The following LRRC71 variants were observed in gnomAD, a reference collection of about 807,000 sequenced individuals.
LRRC71 encodes the protein leucine-rich repeat-containing protein 71.
In LRRC71, 54 loss-of-function variants were observed where a neutral mutation model predicts 66.6. That is an observed-to-expected ratio of 0.81 (90% confidence interval 0.65 to 1.02). LRRC71 has a LOEUF of 1.02. Among genes scored for constraint, LRRC71 ranks in the 50% least tolerant of loss-of-function variants. The pLI, the probability that LRRC71 is intolerant of heterozygous loss-of-function variation, is 0.00. For missense variants in LRRC71, 724 were observed against 718.0 expected (o/e 1.01, Z -0.10); for synonymous variants, 323 against 303.9 (o/e 1.06, Z -0.65).
rs1652259277 is a variant in LRRC71 at position 156,920,933 on chromosome 1, C to T, written c.130C>T (p.Pro44Ser). Residue 44 changes from proline to serine, a missense_variant, in exon 1 of 15, where the codon CCC becomes TCC. Coordinates refer to ENST00000337428, the MANE Select transcript of LRRC71 (RefSeq NM_144702.3). This position sits in a 1 kb window ranked among gnomAD's most constrained non-coding sequence, Gnocchi z 4.9. Reference protein sequence around the residue: ...AKEKPATVLPPVGEEEPKSPE... With the variant: ...AKEKPATVLPSVGEEEPKSPE... The stretch of plus-strand genomic sequence containing the variant: ...AGAGAAGCCAGCGACCGTTCTGCCT[C>T]CCGTGGGGGAGGAGGAGCCCAAAAG... The T allele has an allele frequency of 6.5e-7, 1 of 1,537,968 alleles. No individual in the cohort carries two copies. Among genetic ancestry groups the T allele is most frequent in the African/African-American group, 1.4e-5 (1 of 72,506 alleles).
intron 5 of LRRC71, 72 bp from the exon 6 acceptor site, chr1:156,927,130 C>G: frequency 4.4e-6 from 6 of 1,355,174 alleles, no homozygotes; most frequent in Non-Finnish European, 6.2e-6. Flanking sequence ...GAGACGCACA[C>G]TTCCTCTCTG....
the LRRC71 span, chr1:156,939,745 C>G: frequency 2.5e-6 from 4 of 1,613,954 alleles, no homozygotes; most frequent in Non-Finnish European, 2.5e-6. Flanking sequence ...GTCCCCTTCA[C>G]CCCCAGGGGG....
chr1:156,930,068 C>CTTTCTT (rs1553189718), intron 11 of LRRC71, among the ~76,000 whole-genome samples: 2 of 119,674 alleles, frequency 1.7e-5, no homozygotes, highest in East Asian at 6.0e-4. Context: ...CTTTTTCTTT[C>CTTTCTT]TTTCTTTCTT....
At chr1:156,921,714 C>A (rs193227973) in intron 1 of LRRC71, 2,621 of 43,798 alleles carry the variant, frequency 0.06, 81 homozygotes, top group African/African-American at 0.18. Context: ...ACATTCAAAA[C>A]ACACACACAC....
intron 12 of LRRC71, 79 bp downstream of exon 12, chr1:156,930,696 C>T: frequency 7.5e-7 from 1 of 1,341,472 alleles, no homozygotes; most frequent in South Asian, 1.3e-5. Flanking sequence ...ACCCCAGCCC[C>T]TCCTGGAATG....
intron 5 of LRRC71, among the ~76,000 whole-genome samples, chr1:156,926,076 A>G (rs1329237770): frequency 2.6e-5 from 4 of 152,250 alleles, no homozygotes. Flanking sequence ...ATTTCTAGCC[A>G]TTAGTTCAGT....
chr1:156,924,097 A>G lies in LRRC71; in HGVS notation c.309A>G (p.Leu103=). Residue 103 remains leucine (L), a splice_region_variant and synonymous_variant, in exon 2 of 15, where the codon TTA becomes TTG. Transcript: ENST00000337428. ...CCTCTTTGTCGGAAAAGGCCACCTT[A>G]GGTGAGTGACAGTGGAGCTCCCCGG... The part of the protein sequence containing the change: ...PSASLSEKAT[L]DDPRLSGSCS... The G allele has an allele frequency of 2.6e-6, 4 of 1,547,422 alleles. No individual in the cohort carries two copies. Among genetic ancestry groups the G allele is most frequent in the Non-Finnish European group, 3.5e-6 (4 of 1,145,760 alleles).
downstream of LRRC71, chr1:156,936,218 T>C (rs778026777): frequency 1.3e-5 from 11 of 816,578 alleles, no homozygotes; most frequent in Admixed American, 5.1e-5. Flanking sequence ...GGCTGTCTAC[T>C]GAACTCCACT....
In LRRC71 at chr1:156,920,940, GGGA is replaced by G. The variant is rs1280453700; in HGVS notation, c.145_147del (p.Glu49del). 2.6e-6 allele frequency: 4 copies of G among 1,534,582 alleles called. No individual in the cohort carries two copies. The highest frequency in any genetic ancestry group is 1.4e-5 in the African/African-American group (1 of 72,322). On this transcript the variant is annotated inframe_deletion, in exon 1 of 15. Coordinates refer to ENST00000337428, the MANE Select transcript of LRRC71 (RefSeq NM_144702.3). The surrounding 1 kb of genome is among the most constrained non-coding windows in gnomAD (Gnocchi z 4.9). ...CCAGCGACCGTTCTGCCTCCCGTGG[GGGA>G]GGAGGAGCCCAAAAGCCCTGGTACG...
rs1553273362 is a variant in LRRC71 at position 156,921,760 on chromosome 1, C to CACACAG, written c.160+800_160+801insCAGACA. 4.0e-5 allele frequency: 18 copies of CACACAG among 453,518 alleles called. No individual in the cohort carries two copies. In the African/African-American group the frequency reaches 4.0e-4, roughly 10 times the overall value. 28.1% of individuals were successfully genotyped at this position (453,518 alleles called of 1,614,324 possible). On this transcript the variant is annotated intron_variant, in intron 1 of 14. Coordinates refer to ENST00000337428, the MANE Select transcript of LRRC71 (RefSeq NM_144702.3). ...ACACACACACACACACACACACACA[C>CACACAG]ACAGACATGGCTGCTGTATAGAATA...
chr1:156,927,063 A>G lies in LRRC71; in HGVS notation c.594-139A>G, dbSNP rs954323931. The G allele has an allele frequency of 1.7e-5, 12 of 719,996 alleles. No homozygotes were observed. In the African/African-American group the frequency reaches 1.8e-4, roughly 11 times the overall value. The allele number at this position is 719,996 out of a possible 1,614,324, so 44.6% of individuals were successfully genotyped here. On this transcript the variant is annotated intron_variant, in intron 5 of 14. Transcript: ENST00000337428. ...AATTTTTAGTCTGGGGAATTGTCAC[A>G]TATATTTCCTATATTGGGGGGGCAA...
chr1:156,930,968 A>C (rs1344510268), intron 12 of LRRC71, among the ~76,000 whole-genome samples: 3 of 152,122 alleles, frequency 2.0e-5, no homozygotes, highest in Non-Finnish European at 2.9e-5. Context: ...ACTTGCTTGG[A>C]CTGTTGCATA....
downstream of LRRC71, among the ~76,000 whole-genome samples, chr1:156,933,699 C>G (rs1248138872): frequency 6.6e-6 from 1 of 152,234 alleles, no homozygotes; most frequent in African/African-American, 2.4e-5. Context: ...CCCTTCAGTG[C>G]TGCCTCCATT....
intron 2 of LRRC71, 55 bp downstream of exon 2, chr1:156,924,153 G>A (rs1218236695): frequency 6.5e-7 from 1 of 1,530,540 alleles, no homozygotes; most frequent in Non-Finnish European, 8.8e-7. Context: ...TCCATCCTCA[G>A]CCTCCCTTCC....
At chr1:156,936,932 C>G (rs758878976), downstream of LRRC71, 1 of 1,614,086 alleles carries the variant, frequency 6.2e-7, no homozygotes, top group Non-Finnish European at 8.5e-7. Context: ...GTGGAAACTG[C>G]CCACAGGCGT....
At position 156,920,877 on chromosome 1, in the gene LRRC71, C is replaced by T; in HGVS notation, c.74C>T (p.Ala25Val). The stretch of plus-strand genomic sequence containing the variant: ...CCGGGGACCCAGAAGTCTTCTGGCG[C>T]GGTGACCAAAAAGGGAGAGCGCGCG... ...PRPGTQKSSG[A>V]VTKKGERAAK... Residue 25 changes from alanine to valine, a missense_variant, in exon 1 of 15, where the codon GCG becomes GTG. Transcript: ENST00000337428. The surrounding 1 kb of genome is among the most constrained non-coding windows in gnomAD (Gnocchi z 4.9). 1.4e-5 allele frequency: 22 copies of T among 1,541,818 alleles called. No homozygotes were observed. The highest frequency in any genetic ancestry group is 1.9e-5 in the Non-Finnish European group (22 of 1,143,438).
chr1:156,929,575 T>C, intron 10 of LRRC71, 61 bp from the exon 11 acceptor site: 1 of 1,540,470 alleles, frequency 6.5e-7, no homozygotes, highest in Non-Finnish European at 8.8e-7. Flanking sequence ...GCTCCTTCCC[T>C]CACCACTGCC....
At chr1:156,922,133 TTA>T (rs1215340867) in intron 1 of LRRC71, among the ~76,000 whole-genome samples, 1 of 151,112 alleles carries the variant, frequency 6.6e-6, no homozygotes, top group African/African-American at 2.4e-5. Context: ...GCCTGAGAGG[TTA>T]GGGGTGGAGT....
At position 156,930,558 on chromosome 1, in the gene LRRC71, AG is replaced by A; in HGVS notation, c.1273del (p.Ala425GlnfsTer110). On this transcript the variant is annotated frameshift_variant, in exon 12 of 15. Coordinates refer to ENST00000337428, the MANE Select transcript of LRRC71 (RefSeq NM_144702.3). LOFTEE classifies it high-confidence loss of function. ...KVTIPEQKPSRAKGIKIGSRE... is the reference protein window; with the variant it reads ...KVTIPEQKPSXAKGIKIGSRE... ...AACCATCCCTGAACAGAAGCCAAGC[AG>A]GGCAAAAGGGATCAAGATCGGGAGC... 6.4e-7 allele frequency: 1 copy of A among 1,568,520 alleles called. No individual in the cohort carries two copies. The highest frequency in any genetic ancestry group is 1.2e-5 in the South Asian group (1 of 84,886).
Sources: gnomAD v4.1 joint callset for allele counts (sites outside exome capture counted in the v4.1 genomes callset) on GRCh38, gnomAD v4.1.1 for gene constraint, Gnocchi (gnomAD v3.1) non-coding constraint, MANE v1.5 for transcripts, NCBI Gene and HGNC (gene_info 2026-07-23, HGNC 2026-07-21) for gene names.